The following TMEM108 variants were observed in gnomAD, a reference collection of about 807,000 sequenced individuals.
TMEM108 encodes the protein transmembrane protein 108, also known as cancer/testis antigen 124.
A neutral mutation model predicts 35.1 loss-of-function variants in TMEM108; 12 were observed. The ratio of observed to expected loss-of-function variants is 0.34; its 90% confidence interval spans 0.22 to 0.55. TMEM108 has a LOEUF of 0.55. TMEM108 is among the 20% of genes least tolerant of loss of function. The pLI is 0.89. For missense variants in TMEM108, 680 were observed against 753.3 expected (o/e 0.90, Z 1.14); for synonymous variants, 287 against 308.6 (o/e 0.93, Z 0.73).
At chr3:133,157,537 A>C (rs1944899038) in intron 2 of TMEM108, among the ~76,000 whole-genome samples, 2 of 152,086 alleles carry the variant, frequency 1.3e-5, no homozygotes, top group Admixed American at 1.3e-4. Context: ...TTAAGTTCTC[A>C]CTCTCCTTGA....
At chr3:133,205,477 G>T (rs925164256) in intron 2 of TMEM108, among the ~76,000 whole-genome samples, 2 of 152,076 alleles carry the variant, frequency 1.3e-5, no homozygotes, top group Non-Finnish European at 2.9e-5. Context: ...CTTCCTTCAG[G>T]AGCTCTTGTA....
intron 2 of TMEM108, among the ~76,000 whole-genome samples, chr3:133,227,950 T>C (rs964278225): frequency 6.6e-6 from 1 of 152,040 alleles, no homozygotes; most frequent in African/African-American, 2.4e-5. Context: ...GCCAGACACA[T>C]ATGATTCTGT....
intron 2 of TMEM108, among the ~76,000 whole-genome samples, chr3:133,150,147 C>T (rs1944777270): frequency 6.6e-6 from 1 of 152,124 alleles, no homozygotes; most frequent in African/African-American, 2.4e-5. Context: ...TTCACCATCA[C>T]TTGTTATCTT....
At chr3:133,322,037 G>C (rs192700579) in intron 3 of TMEM108, among the ~76,000 whole-genome samples, 199 of 152,272 alleles carry the variant, frequency 1.3e-3, no homozygotes, top group African/African-American at 4.7e-3. Flanking sequence ...GTGGTGCTAA[G>C]AGGAAAGTTC....
chr3:133,072,152 A>G (rs1362248417), intron 2 of TMEM108, among the ~76,000 whole-genome samples: 2 of 152,052 alleles, frequency 1.3e-5, no homozygotes, highest in Non-Finnish European at 2.9e-5. Flanking sequence ...TCTCTATTCC[A>G]TTTCTAAGCT....
chr3:133,109,555 C>T (rs1268657490), intron 2 of TMEM108, among the ~76,000 whole-genome samples: 1 of 152,150 alleles, frequency 6.6e-6, no homozygotes, highest in African/African-American at 2.4e-5. Context: ...ATAGGGCAAA[C>T]GTTACAACCA....
intron 2 of TMEM108, among the ~76,000 whole-genome samples, chr3:133,214,509 C>A (rs1223345201): frequency 7.5e-6 from 1 of 132,730 alleles, no homozygotes; most frequent in African/African-American, 2.5e-5. Flanking sequence ...ATCGAATCTT[C>A]TCTTTTCCTA....
At chr3:133,285,522 C>T (rs779482153) in intron 3 of TMEM108, among the ~76,000 whole-genome samples, 6 of 152,166 alleles carry the variant, frequency 3.9e-5, no homozygotes, top group African/African-American at 7.2e-5. Flanking sequence ...TATTGAAGCA[C>T]GCACAGGCAG....
At chr3:133,149,516 G>A (rs1217014477) in intron 2 of TMEM108, among the ~76,000 whole-genome samples, 1 of 152,072 alleles carries the variant, frequency 6.6e-6, no homozygotes, top group Non-Finnish European at 1.5e-5. Context: ...ATTTTTCCCA[G>A]CCACTGACAA....
At chr3:133,074,832 T>A (rs921259065) in intron 2 of TMEM108, among the ~76,000 whole-genome samples, 1 of 152,186 alleles carries the variant, frequency 6.6e-6, no homozygotes, top group Non-Finnish European at 1.5e-5. Flanking sequence ...TAATTTTGAA[T>A]CAAAATCCAA....
intron 3 of TMEM108, among the ~76,000 whole-genome samples, chr3:133,266,935 C>T (rs1165394402): frequency 8.6e-6 from 1 of 115,632 alleles, no homozygotes; most frequent in African/African-American, 3.6e-5. Flanking sequence ...AAAAAAAAAG[C>T]CGGGCGTGGT....
chr3:133,292,356 G>A (rs1947082330), intron 3 of TMEM108, among the ~76,000 whole-genome samples: 1 of 152,152 alleles, frequency 6.6e-6, no homozygotes. Context: ...CTCCCCTCCA[G>A]TTCCATTGTT....
chr3:133,292,623 T>A (rs1174033951), intron 3 of TMEM108, among the ~76,000 whole-genome samples: 1 of 152,226 alleles, frequency 6.6e-6, no homozygotes, highest in Non-Finnish European at 1.5e-5. Flanking sequence ...TGGTTTTGTT[T>A]CAGAGCCTGC....
At chr3:133,196,924 C>A (rs1481678103) in intron 2 of TMEM108, among the ~76,000 whole-genome samples, 1 of 152,152 alleles carries the variant, frequency 6.6e-6, no homozygotes, top group Admixed American at 6.5e-5. Flanking sequence ...TGTGTCCCTG[C>A]TACCAGTAAG....
chr3:133,184,739 G>A (rs1945395973), intron 2 of TMEM108, among the ~76,000 whole-genome samples: 2 of 152,316 alleles, frequency 1.3e-5, no homozygotes, highest in South Asian at 2.1e-4. Flanking sequence ...AAAGCAGACA[G>A]TGTGGAGGCA....
At chr3:133,356,157 G>A (rs960958463) in intron 3 of TMEM108, among the ~76,000 whole-genome samples, 13 of 151,750 alleles carry the variant, frequency 8.6e-5, no homozygotes, top group Non-Finnish European at 1.5e-4. Flanking sequence ...ACACAAATCA[G>A]TAGTACTGCT....
chr3:133,072,807 T>A (rs1484422076), intron 2 of TMEM108, among the ~76,000 whole-genome samples: 1 of 152,150 alleles, frequency 6.6e-6, no homozygotes, highest in East Asian at 1.9e-4. Context: ...TTAGCAGTCA[T>A]GCCCTACCCC....
intron 3 of TMEM108, among the ~76,000 whole-genome samples, chr3:133,306,160 C>A (rs1034105590): frequency 1.3e-5 from 2 of 151,994 alleles, no homozygotes; most frequent in Non-Finnish European, 1.5e-5. Flanking sequence ...TGCATTTGTT[C>A]TCATTTTTGA....
intron 2 of TMEM108, among the ~76,000 whole-genome samples, chr3:133,212,891 AAAG>A (rs1172028583): frequency 2.2e-4 from 34 of 151,212 alleles, no homozygotes; most frequent in Non-Finnish European, 4.3e-4. Context: ...GGAAAAAAAA[AAAG>A]AAAGAAAGAA....
Sources: gnomAD v4.1 joint callset for allele counts (sites outside exome capture counted in the v4.1 genomes callset) on GRCh38, gnomAD v4.1.1 for gene constraint, MANE v1.5 for transcripts, NCBI Gene and HGNC (gene_info 2026-07-23, HGNC 2026-07-21) for gene names.